Variants in CHL1 observed in about 807,000 individuals in gnomAD.
CHL1 encodes neural cell adhesion molecule L1-like protein.
CHL1 carries 96 observed loss-of-function variants against 141.9 expected under a neutral mutation model. The ratio of observed to expected loss-of-function variants is 0.68; its 90% CI spans 0.57 to 0.80. The LOEUF is 0.80. Ranked by LOEUF, CHL1 falls within the 30% of genes least tolerant of loss-of-function variation. The probability of loss-of-function intolerance (pLI) is 0.00; values close to 1 mark genes in which losing one functional copy is unlikely to be tolerated. For synonymous variants in CHL1, 613 were observed against 502.2 expected (o/e 1.22, Z -2.95); for missense variants, 1,820 against 1,457.2 (o/e 1.25, Z -4.05).
chr3:262,652 G>C (rs1001044545), intron 2 of CHL1, among the ~76,000 whole-genome samples: 5 of 152,212 alleles, frequency 3.3e-5, no homozygotes, highest in African/African-American at 1.2e-4. Flanking sequence ...GGAGTGGTAA[G>C]GCCTGGTACA....
rs993595663 is a variant in CHL1 at position 257,252 on chromosome 3, T to G, written c.-95+12560T>G. 3.7e-4 allele frequency among the ~76,000 whole-genome samples: 56 copies of G among 152,164 alleles called. 1 individual carries two copies. The highest frequency in any genetic ancestry group is 2.4e-5 in the African/African-American group (1 of 41,450). Reference sequence around the variant, plus strand: ...TAAAAAAAATTTAGTTCTCTTTCCCTTAATTCTTTCAATATTTCAGGTAGA... The same window carrying G: ...TAAAAAAAATTTAGTTCTCTTTCCCGTAATTCTTTCAATATTTCAGGTAGA... On this transcript the variant is annotated intron_variant, in intron 2 of 27. Coordinates refer to ENST00000256509, the MANE Select transcript of CHL1 (RefSeq NM_006614.4).
chr3:201,251 G>A (rs763133050), intron 1 of CHL1, among the ~76,000 whole-genome samples: 3 of 152,110 alleles, frequency 2.0e-5, no homozygotes, highest in Non-Finnish European at 2.9e-5. Flanking sequence ...ATTCTGTTTC[G>A]TTAACGAATG....
intron 1 of CHL1, among the ~76,000 whole-genome samples, chr3:211,325 G>A (rs111308826): frequency 4.6e-5 from 7 of 152,316 alleles, no homozygotes; most frequent in Admixed American, 2.6e-4. Flanking sequence ...GGAGACTAGC[G>A]TGTGGCTAGT....
intron 23 of CHL1, among the ~76,000 whole-genome samples, chr3:392,751 G>A (rs983845510): frequency 2.0e-5 from 3 of 152,162 alleles, no homozygotes; most frequent in East Asian, 1.9e-4. Context: ...TCACGTATTT[G>A]CTTTAGTTTC....
At chr3:277,901 T>C (rs1024737618) in intron 2 of CHL1, among the ~76,000 whole-genome samples, 3 of 152,242 alleles carry the variant, frequency 2.0e-5, no homozygotes, top group African/African-American at 7.2e-5. Flanking sequence ...CAAGAAGTTT[T>C]ACAGCTACAT....
At position 391,779 on chromosome 3, in the gene CHL1, C is replaced by T; in HGVS notation, c.2896C>T (p.Leu966Phe). ...KKLNGNLTGYLLQYQIINDTY... is the reference protein window; with the variant it reads ...KKLNGNLTGYFLQYQIINDTY... The stretch of plus-strand genomic sequence containing the variant: ...ATTAAATGGAAACTTAACTGGCTAT[C>T]TTTTGCAATATCAGATAAGTAAGTA... Residue 966 changes from leucine to phenylalanine, a missense_variant, in exon 23 of 28, where the codon CTT (leucine) becomes TTT (phenylalanine). By Grantham distance (22) the Leu-to-Phe change is conservative. Coordinates refer to ENST00000256509, the MANE Select transcript of CHL1 (RefSeq NM_006614.4). 1.5e-5 allele frequency: 24 copies of T among 1,587,018 alleles called. No individual in the cohort carries two copies. The highest frequency in any genetic ancestry group is 2.1e-5 in the Non-Finnish European group (24 of 1,168,072).
chr3:308,021 G>C (rs190970864), intron 2 of CHL1, among the ~76,000 whole-genome samples: 1 of 152,294 alleles, frequency 6.6e-6, no homozygotes, highest in African/African-American at 2.4e-5. Flanking sequence ...GAGGTTGAGA[G>C]ATATTCATTT....
intron 19 of CHL1, among the ~76,000 whole-genome samples, 197 bp downstream of exon 19, chr3:384,083 C>G (rs1707380167): frequency 6.6e-6 from 1 of 152,124 alleles, no homozygotes; most frequent in Admixed American, 6.6e-5. Flanking sequence ...GAGTTTAACA[C>G]TGGTCAACAA....
intron 8 of CHL1, among the ~76,000 whole-genome samples, 174 bp from the exon 9 acceptor site, chr3:344,415 G>C (rs980089265): frequency 5.9e-5 from 9 of 151,814 alleles, no homozygotes; most frequent in African/African-American, 2.2e-4. Flanking sequence ...ATGCTTCATG[G>C]TAAGAGAGAA....
chr3:276,171 A>C lies in CHL1; in HGVS notation c.-95+31479A>C, dbSNP rs17017947. Among the ~76,000 whole-genome samples, 443 of 152,286 alleles carry C rather than the reference A, an allele frequency of 2.9e-3. 11 individuals carry two copies. In the East Asian group the frequency reaches 0.063, roughly 22 times the overall value. The stretch of plus-strand genomic sequence containing the variant: ...AATATATTTTTCCGACCTGTCTAAA[A>C]TGCTGTGAAGGTAAAGATCATTATG... On this transcript the variant is annotated intron_variant, in intron 2 of 27. Coordinates refer to ENST00000256509, the MANE Select transcript of CHL1 (RefSeq NM_006614.4).
chr3:217,318 C>T (rs115328619), intron 1 of CHL1, among the ~76,000 whole-genome samples: 1 of 152,018 alleles, frequency 6.6e-6, no homozygotes, highest in Non-Finnish European at 1.5e-5. Context: ...GCCATTGGTT[C>T]ATTTATTCAT....
chr3:218,275 G>A (rs902185075), intron 1 of CHL1, among the ~76,000 whole-genome samples: 1 of 152,184 alleles, frequency 6.6e-6, no homozygotes, highest in African/African-American at 2.4e-5. Context: ...TGCACTGACA[G>A]AACCTGCTTA....
chr3:219,072 C>G (rs1700587195), intron 1 of CHL1, among the ~76,000 whole-genome samples: 1 of 133,294 alleles, frequency 7.5e-6, no homozygotes, highest in Admixed American at 7.4e-5. Context: ...TGGCATGAAC[C>G]CGGGAGGTGG....
intron 27 of CHL1, among the ~76,000 whole-genome samples, chr3:403,035 G>A (rs923607675): frequency 7.2e-5 from 11 of 152,176 alleles, no homozygotes; most frequent in Non-Finnish European, 1.3e-4. Context: ...GTTTTGACCA[G>A]GGCTATGGTT....
At chr3:310,190 G>A (rs956217267) in intron 2 of CHL1, among the ~76,000 whole-genome samples, 1 of 152,174 alleles carries the variant, frequency 6.6e-6, no homozygotes, top group Non-Finnish European at 1.5e-5. Context: ...AGCACTTTGG[G>A]AGGTCGAGGT....
At chr3:226,386 ACT>A (rs1701352714) in intron 1 of CHL1, among the ~76,000 whole-genome samples, 2 of 145,128 alleles carry the variant, frequency 1.4e-5, no homozygotes, top group Non-Finnish European at 3.0e-5. Context: ...ATATATATAT[ACT>A]TATATATTAT....
At chr3:339,147 G>A (rs905169717) in intron 5 of CHL1, among the ~76,000 whole-genome samples, 6 of 152,178 alleles carry the variant, frequency 3.9e-5, no homozygotes, top group Non-Finnish European at 8.8e-5. Context: ...TGACTTCAAT[G>A]CCAGTGTTTA....
intron 15 of CHL1, among the ~76,000 whole-genome samples, chr3:368,484 A>T (rs2196037): frequency 0.96 from 145,936 of 152,280 alleles, 70,213 homozygotes; most frequent in East Asian, 1. Context: ...TTTTAAATTA[A>T]GAATATTAGA....
intron 5 of CHL1, among the ~76,000 whole-genome samples, chr3:331,434 G>A (rs757006352): frequency 6.6e-6 from 1 of 152,082 alleles, no homozygotes; most frequent in East Asian, 1.9e-4. Context: ...TAGAGATGGG[G>A]TCTCACTATG....
Sources: allele counts gnomAD v4.1 joint callset (sites outside exome capture counted in the v4.1 genomes callset), GRCh38; gene constraint gnomAD v4.1.1; transcripts MANE v1.5; gene names NCBI Gene and HGNC (gene_info 2026-07-23, HGNC 2026-07-21).